The following QRICH1 variants were observed in gnomAD, a reference collection of about 807,000 sequenced individuals.
QRICH1 encodes transcriptional regulator QRICH1.
Under a neutral mutation model 87.1 loss-of-function variants are expected in QRICH1, and 16 were observed. The observed-to-expected ratio is 0.18, with a 90% CI of 0.12 to 0.28. QRICH1 has a LOEUF of 0.28. QRICH1 is among the 10% of genes least tolerant of loss of function. The probability of loss-of-function intolerance (pLI) is 1.00; values close to 1 mark genes in which losing one functional copy is unlikely to be tolerated. For synonymous variants in QRICH1, 367 were observed against 368.4 expected (o/e 1.00, Z 0.05); for missense variants, 647 against 951.7 (o/e 0.68, Z 4.21).
chr3:49,076,918 G>C lies in QRICH1; in HGVS notation c.100C>G (p.Leu34Val). The change falls in exon 2 of 10, where the codon CTG becomes GTG. Residue 34 changes from leucine to valine, a missense_variant. By Grantham distance (32) the Leu-to-Val change is conservative. This residue lies in a region of QRICH1 where 56 missense variants were observed against 109.6 expected (regional missense o/e 0.51). Coordinates refer to ENST00000395443, the MANE Select transcript of QRICH1 (RefSeq NM_198880.3). The part of the protein sequence containing the change: ...QHRMKEFLDS[L>V]ASKGPEALQE... ...AGGGCTTCTGGCCCCTTAGAGGCCA[G>C]TGAGTCCAGAAATTCCTTCATCCTG... The C allele has an allele frequency of 6.2e-7, 1 of 1,613,432 alleles. No individual in the cohort carries two copies. Among genetic ancestry groups the C allele is most frequent in the Non-Finnish European group, 8.5e-7 (1 of 1,179,568 alleles).
chr3:49,093,891 C>G, intron 1 of QRICH1, 21 bp downstream of exon 1: 1 of 390,844 alleles, frequency 2.6e-6, no homozygotes, highest in Non-Finnish European at 4.5e-6. Context: ...GCCGCATCCC[C>G]ACCCGCACTG....
intron 2 of QRICH1, among the ~76,000 whole-genome samples, chr3:49,061,066 CG>C (rs1489573656): frequency 7.5e-6 from 1 of 133,178 alleles, no homozygotes; most frequent in Non-Finnish European, 1.5e-5. Flanking sequence ...ACCCAGGAGG[CG>C]GAAGTTGAAG....
intron 7 of QRICH1, 130 bp downstream of exon 7, chr3:49,032,990 C>A: frequency 2.1e-6 from 2 of 935,194 alleles, no homozygotes; most frequent in South Asian, 1.9e-5. Context: ...TAAAATGCAG[C>A]CAAGTGGGGT....
At chr3:49,039,601 A>G (rs1397875682) in intron 6 of QRICH1, among the ~76,000 whole-genome samples, 2 of 146,236 alleles carry the variant, frequency 1.4e-5, no homozygotes, top group Non-Finnish European at 3.0e-5. Flanking sequence ...AGCCTAGGCA[A>G]CACAGAGACT....
At chr3:49,092,128 T>C (rs2042288586) in intron 1 of QRICH1, among the ~76,000 whole-genome samples, 1 of 152,176 alleles carries the variant, frequency 6.6e-6, no homozygotes, top group Non-Finnish European at 1.5e-5. Context: ...TTACAGCTTT[T>C]CTTTGAACCA....
chr3:49,088,344 G>C (rs1313956188), intron 1 of QRICH1, among the ~76,000 whole-genome samples: 1 of 152,024 alleles, frequency 6.6e-6, no homozygotes, highest in Non-Finnish European at 1.5e-5. Flanking sequence ...ACCCAGGATG[G>C]AGTGCAATGG....
chr3:49,083,812 C>T (rs1448549433), intron 1 of QRICH1, among the ~76,000 whole-genome samples: 1 of 151,668 alleles, frequency 6.6e-6, no homozygotes, highest in African/African-American at 2.4e-5. Context: ...ACCTGTAGTC[C>T]CAGCTACTTG....
At chr3:49,032,322 T>C (rs2093245989) in intron 8 of QRICH1, 49 bp from the exon 9 acceptor site, 2 of 1,434,868 alleles carry the variant, frequency 1.4e-6, no homozygotes, top group Non-Finnish European at 2.0e-6. Context: ...CAGACTGCCT[T>C]ACCTCAGGCC....
At chr3:49,087,817 T>C (rs1575386801) in intron 1 of QRICH1, among the ~76,000 whole-genome samples, 1 of 5,972 alleles carries the variant, frequency 1.7e-4, no homozygotes, top group South Asian at 0.038. Context: ...GAGGTTCATC[T>C]CAAAAAAAAA....
intron 2 of QRICH1, among the ~76,000 whole-genome samples, chr3:49,069,879 A>G (rs1021523687): frequency 6.6e-6 from 1 of 152,084 alleles, no homozygotes. Flanking sequence ...ACATATGTGT[A>G]TGTGTGTGTT....
rs201154989 is a variant in QRICH1 at position 49,056,911 on chromosome 3, T to C, written c.1289A>G (p.Gln430Arg). 1 of 1,614,128 alleles carries C rather than the reference T, an allele frequency of 6.2e-7. No homozygotes were observed. The highest frequency in any genetic ancestry group is 1.3e-5 in the African/African-American group (1 of 75,046). The change falls in exon 3 of 10, where the codon CAG (glutamine) becomes CGG (arginine). Residue 430 changes from glutamine to arginine, a missense_variant. Gln to Arg is a conservative substitution (Grantham distance 43). Coordinates refer to ENST00000395443, the MANE Select transcript of QRICH1 (RefSeq NM_198880.3). ...CTGCTGCTGCTGTGGTGGTGGTGTC[T>C]GTTCCTGGGGAGTTTGCTGCTGCGG... The part of the protein sequence containing the change: ...QQPQQQTPQE[Q>R]TPPPQQQQQQ...
chr3:49,048,290 G>A (rs1282241307), intron 3 of QRICH1, among the ~76,000 whole-genome samples: 3 of 151,384 alleles, frequency 2.0e-5, no homozygotes, highest in East Asian at 2.0e-4. Flanking sequence ...GTGCCACCAC[G>A]CCCGGCTAAT....
intron 1 of QRICH1, among the ~76,000 whole-genome samples, chr3:49,092,119 T>C (rs761822944): frequency 3.9e-5 from 6 of 152,120 alleles, no homozygotes; most frequent in Non-Finnish European, 7.4e-5. Flanking sequence ...AGAAAAACTT[T>C]ACAGCTTTTC....
intron 1 of QRICH1, among the ~76,000 whole-genome samples, chr3:49,087,443 G>T: frequency 6.6e-6 from 1 of 151,576 alleles, no homozygotes; most frequent in Non-Finnish European, 1.5e-5. Context: ...TACTAGGGAA[G>T]CTGAGGCAGG....
chr3:49,068,429 G>A (rs1346944262), intron 2 of QRICH1, among the ~76,000 whole-genome samples: 1 of 149,708 alleles, frequency 6.7e-6, no homozygotes, highest in Non-Finnish European at 1.5e-5. Flanking sequence ...CTGCATTCCA[G>A]CCTGGGTGAC....
intron 3 of QRICH1, among the ~76,000 whole-genome samples, chr3:49,052,540 C>T (rs1377469905): frequency 6.6e-6 from 1 of 151,734 alleles, no homozygotes; most frequent in Non-Finnish European, 1.5e-5. Flanking sequence ...GAGTTTCGCT[C>T]TGTCACCCAG....
chr3:49,052,049 A>G (rs558333901), intron 3 of QRICH1, among the ~76,000 whole-genome samples: 13 of 152,332 alleles, frequency 8.5e-5, no homozygotes, highest in African/African-American at 2.9e-4. Context: ...GAAGTGACAT[A>G]ATCTTGTATT....
chr3:49,059,624 T>G (rs567087575), intron 2 of QRICH1, among the ~76,000 whole-genome samples: 7 of 148,610 alleles, frequency 4.7e-5, no homozygotes, highest in Middle Eastern at 3.4e-3. Context: ...TTCACCATGT[T>G]GGTTGGCCAG....
chr3:49,088,932 G>A (rs935718854), intron 1 of QRICH1, among the ~76,000 whole-genome samples: 1 of 151,646 alleles, frequency 6.6e-6, no homozygotes, highest in Non-Finnish European at 1.5e-5. Flanking sequence ...CCCATATTTC[G>A]ATTTTTAAGG....
Sources: gnomAD v4.1 joint callset for allele counts (sites outside exome capture counted in the v4.1 genomes callset) on GRCh38, gnomAD v4.1.1 for gene constraint, gnomAD v4.1.1 regional missense constraint, MANE v1.5 for transcripts, NCBI Gene and HGNC (gene_info 2026-07-23, HGNC 2026-07-21) for gene names.